ADAMTSL2: variants seen among roughly 807,000 people sequenced by gnomAD.
ADAMTSL2 encodes the protein ADAMTS like 2, also known as ADAMTS-like protein 2.
ADAMTSL2 carries 55 observed loss-of-function variants against 117.0 expected under a neutral mutation model. That is an observed-to-expected ratio of 0.47 (90% CI 0.38 to 0.59). ADAMTSL2 has a LOEUF of 0.59. ADAMTSL2 is among the 20% of genes least tolerant of loss of function. The probability of loss-of-function intolerance (pLI) is 0.00; values close to 1 mark genes in which losing one functional copy is unlikely to be tolerated. For synonymous variants in ADAMTSL2, 572 were observed against 566.4 expected (o/e 1.01, Z -0.14); for missense variants, 1,182 against 1,354.5 (o/e 0.87, Z 2.00).
rs1453359043 is a variant in ADAMTSL2, at chr9:133,574,904, C to G, written c.*40C>G. 2 of 1,538,452 alleles carry G rather than the reference C, an allele frequency of 1.3e-6. No individual in the cohort carries two copies. The highest frequency in any genetic ancestry group is 1.1e-5 in the South Asian group (1 of 89,662). On this transcript the variant is annotated 3_prime_UTR_variant, in exon 19 of 19. Coordinates refer to ENST00000651351, the MANE Select transcript of ADAMTSL2 (RefSeq NM_014694.4). ...GCCCCTTCCAGATGAAGACCAAGCG[C>G]CCCTCCTGGGGCTGCTGCAGCTTCT... is the stretch of plus-strand genomic sequence containing the variant.
chr9:133,548,485 C>G (rs1040502216), intron 9 of ADAMTSL2, among the ~76,000 whole-genome samples: 5 of 151,760 alleles, frequency 3.3e-5, no homozygotes, highest in Non-Finnish European at 4.4e-5. Context: ...AGAAAATAGA[C>G]TCTGAGGTGG....
intron 1 of ADAMTSL2, among the ~76,000 whole-genome samples, chr9:133,535,444 C>T (rs28697911): frequency 6.6e-6 from 1 of 151,786 alleles, no homozygotes; most frequent in African/African-American, 2.4e-5. Context: ...ACTGCTGCGT[C>T]GTCCGGGCTG....
intron 17 of ADAMTSL2, among the ~76,000 whole-genome samples, chr9:133,573,064 C>A (rs1441969026): frequency 6.8e-6 from 1 of 147,038 alleles, no homozygotes; most frequent in Admixed American, 6.6e-5. Flanking sequence ...AAGTCTTAAT[C>A]GGTCTTCCTT....
In ADAMTSL2 at chr9:133,557,309, T is replaced by G. The variant is rs1402661068; in HGVS notation, c.1649+1379T>G. On this transcript the variant is annotated intron_variant, in intron 11 of 18. Coordinates refer to ENST00000651351, the MANE Select transcript of ADAMTSL2 (RefSeq NM_014694.4). This position sits in a 1 kb window ranked among gnomAD's most constrained non-coding sequence, Gnocchi z 5.2. ...GGGGCTGCGGGGTGCAGGGAGGATG[T>G]CCTGAGCACTTCTGGCAGGCTCTGG... Among the ~76,000 whole-genome samples, 1 of 152,160 alleles carries G rather than the reference T, an allele frequency of 6.6e-6. No individual in the cohort carries two copies. Among genetic ancestry groups the G allele is most frequent in the East Asian group, 1.9e-4 (1 of 5,192 alleles).
In ADAMTSL2 at chr9:133,536,637, C is replaced by T; in HGVS notation, c.-76C>T. On this transcript the variant is annotated 5_prime_UTR_variant, in exon 2 of 19. Transcript: ENST00000651351. ...GGGCACTGGCTGGGCCCCGAGGGCT[C>T]TTCCCAAAGCGTACCCTGGTCATCT... The T allele has an allele frequency of 6.2e-7, 1 of 1,613,942 alleles. No individual in the cohort carries two copies. The highest frequency in any genetic ancestry group is 8.5e-7 in the Non-Finnish European group (1 of 1,179,954).
rs1830722574 is a variant in ADAMTSL2 at position 133,561,304 on chromosome 9, C to G, written c.1747+9C>G. 3.8e-6 allele frequency: 6 copies of G among 1,581,064 alleles called. No individual in the cohort carries two copies. In the South Asian group the frequency reaches 5.8e-5, roughly 15 times the overall value. ...TGCCACCTGCACCACAGGTACTGGT[C>G]ACGGGTGCCAAGGGGCAGCAACTGC... is the stretch of plus-strand genomic sequence containing the variant. On this transcript the variant is annotated intron_variant, in intron 12 of 18. Coordinates refer to ENST00000651351, the MANE Select transcript of ADAMTSL2 (RefSeq NM_014694.4).
rs1830663051 is a variant in ADAMTSL2 at position 133,558,766 on chromosome 9, A to G, written c.1650-2432A>G. Among the ~76,000 whole-genome samples the G allele has an allele frequency of 6.6e-6, 1 of 152,134 alleles. No individual in the cohort carries two copies. Among genetic ancestry groups the G allele is most frequent in the Admixed American group, 6.5e-5 (1 of 15,274 alleles). On this transcript the variant is annotated intron_variant, in intron 11 of 18. Coordinates refer to ENST00000651351, the MANE Select transcript of ADAMTSL2 (RefSeq NM_014694.4). The surrounding 1 kb of genome is among the most constrained non-coding windows in gnomAD (Gnocchi z 4.3). ...AGTGACTTCCTTCCAGATGGAGGAG[A>G]GCGACGGTTTGGTGCTTCAGCGATT... is the stretch of plus-strand genomic sequence containing the variant.
intron 6 of ADAMTSL2, 52 bp downstream of exon 6, chr9:133,540,795 C>T (rs745377011): frequency 2.5e-5 from 40 of 1,613,264 alleles, no homozygotes; most frequent in African/African-American, 4.0e-5. Context: ...GCTGACTGCC[C>T]GCCCGCCTGT....
chr9:133,544,848 G>A (rs527411463), intron 8 of ADAMTSL2, among the ~76,000 whole-genome samples: 4 of 152,332 alleles, frequency 2.6e-5, no homozygotes, highest in Admixed American at 6.5e-5. Context: ...CCTGGCACAG[G>A]CAGAAGCTGG....
chr9:133,559,379 ACT>A (rs1830676566), intron 11 of ADAMTSL2, among the ~76,000 whole-genome samples: 1 of 122,890 alleles, frequency 8.1e-6, no homozygotes, highest in Non-Finnish European at 1.6e-5. Flanking sequence ...AGACGGAGTC[ACT>A]CTGTTGCTCA....
intron 17 of ADAMTSL2, among the ~76,000 whole-genome samples, chr9:133,571,771 G>A (rs1350770147): frequency 1.3e-5 from 2 of 152,214 alleles, no homozygotes; most frequent in Non-Finnish European, 2.9e-5. Context: ...GGGGTGTCCA[G>A]AGGGTATCTG....
intron 9 of ADAMTSL2, among the ~76,000 whole-genome samples, chr9:133,551,882 T>G (rs1190279529): frequency 6.9e-6 from 1 of 145,110 alleles, no homozygotes; most frequent in East Asian, 2.1e-4. Context: ...CAGGCTGGAG[T>G]GCAGTGGCAC....
At chr9:133,539,185 G>A (rs191554564) in intron 4 of ADAMTSL2, among the ~76,000 whole-genome samples, 6 of 152,324 alleles carry the variant, frequency 3.9e-5, no homozygotes, top group African/African-American at 1.4e-4. Flanking sequence ...CCCTCCTAGG[G>A]CAGTGCAGCC....
At position 133,570,412 on chromosome 9, in the gene ADAMTSL2, A is replaced by G. The variant is rs1049081236; in HGVS notation, c.2497A>G (p.Ser833Gly). The G allele has an allele frequency of 1.5e-4, 232 of 1,595,420 alleles. 1 individual carries two copies. The South Asian group carries it at 2.6e-3, about 18-fold the overall frequency. Residue 833 changes from serine to glycine, a missense_variant, in exon 17 of 19, where the codon AGT becomes GGT. Coordinates refer to ENST00000651351, the MANE Select transcript of ADAMTSL2 (RefSeq NM_014694.4). ...ELANGKPQTR[S>G]GPECGLAKKP... ...GGCCAACGGGAAGCCGCAGACGCGC[A>G]GTGGCCCCGAGTGCGGGCTCGCCAA... is the stretch of plus-strand genomic sequence containing the variant.
chr9:133,570,625 G>A, intron 17 of ADAMTSL2, 118 bp downstream of exon 17: 2 of 1,159,744 alleles, frequency 1.7e-6, no homozygotes, highest in Admixed American at 4.0e-5. Context: ...GACAGCCTCT[G>A]TGAGGGCTTT....
At chr9:133,564,084 G>GAA (rs1830840849) in intron 12 of ADAMTSL2, among the ~76,000 whole-genome samples, 1 of 49,502 alleles carries the variant, frequency 2.0e-5, no homozygotes, top group East Asian at 4.6e-4. Context: ...AAGGGAGAGA[G>GAA]AGAGAGAGGG....
chr9:133,559,351 A>AT (rs369151881), intron 11 of ADAMTSL2, among the ~76,000 whole-genome samples: 1,994 of 91,250 alleles, frequency 0.022, 115 homozygotes, highest in Admixed American at 0.13. Flanking sequence ...ACCCACCCCC[A>AT]TTTTTTTTTT....
At chr9:133,536,952 G>A in intron 2 of ADAMTSL2, 150 bp downstream of exon 2, 8 of 1,367,290 alleles carry the variant, frequency 5.9e-6, no homozygotes, top group African/African-American at 1.4e-5. Flanking sequence ...TCTGCCCAGA[G>A]CCAGTCAGAT....
At chr9:133,544,380 C>A in intron 7 of ADAMTSL2, 90 bp from the exon 8 acceptor site, 1 of 1,102,064 alleles carries the variant, frequency 9.1e-7, no homozygotes, top group Non-Finnish European at 1.4e-6. Flanking sequence ...ACAGCCACCG[C>A]TCACCCTCCA....
Sources: gnomAD v4.1 joint callset for allele counts (sites outside exome capture counted in the v4.1 genomes callset) on GRCh38, gnomAD v4.1.1 for gene constraint, Gnocchi (gnomAD v3.1) non-coding constraint, MANE v1.5 for transcripts, NCBI Gene and HGNC (gene_info 2026-07-23, HGNC 2026-07-21) for gene names.